AFF3: variants seen among roughly 807,000 people sequenced by gnomAD.
AFF3 encodes ALF transcription elongation factor 3, also known as AF4/FMR2 family member 3.
In AFF3, 32 loss-of-function variants were observed where a neutral mutation model predicts 129.7. The observed-to-expected ratio is 0.25, with a 90% confidence interval of 0.19 to 0.33. The LOEUF is 0.33. AFF3 is among the 10% of genes least tolerant of loss of function. The pLI, the probability that AFF3 is intolerant of heterozygous loss-of-function variation, is 1.00. For missense variants in AFF3, 1,373 were observed against 1,592.0 expected (o/e 0.86, Z 2.34); for synonymous variants, 644 against 635.4 (o/e 1.01, Z -0.20).
intron 4 of AFF3, among the ~76,000 whole-genome samples, chr2:100,037,036 G>T (rs1351451649): frequency 6.6e-6 from 1 of 151,968 alleles, no homozygotes; most frequent in Non-Finnish European, 1.5e-5. Flanking sequence ...TATCAAAAGC[G>T]TTCTGAAAGC....
chr2:99,805,067 C>T (rs1044273890), intron 8 of AFF3, among the ~76,000 whole-genome samples: 11 of 152,040 alleles, frequency 7.2e-5, no homozygotes, highest in African/African-American at 2.2e-4. Context: ...CCACTTGTAC[C>T]CTAAAAGCTA....
At chr2:99,634,735 G>GTT (rs879617006) in intron 13 of AFF3, among the ~76,000 whole-genome samples, 4 of 146,036 alleles carry the variant, frequency 2.7e-5, no homozygotes, top group Admixed American at 6.9e-5. Flanking sequence ...CACTTTTCAA[G>GTT]TTTTTTTTTT....
intron 7 of AFF3, among the ~76,000 whole-genome samples, chr2:99,903,683 ATATTTG>A (rs1281164975): frequency 6.6e-6 from 1 of 152,192 alleles, no homozygotes; most frequent in African/African-American, 2.4e-5. Context: ...AGTTTGAAAT[ATATTTG>A]TATTTGTCTC....
chr2:99,699,140 T>C (rs1371570005), intron 11 of AFF3, among the ~76,000 whole-genome samples: 2 of 152,218 alleles, frequency 1.3e-5, no homozygotes, highest in East Asian at 1.9e-4. Context: ...ATAACAGTTA[T>C]ATAATATAAA....
intron 7 of AFF3, among the ~76,000 whole-genome samples, chr2:99,945,492 T>A (rs1675470898): frequency 6.6e-6 from 1 of 152,160 alleles, no homozygotes; most frequent in South Asian, 2.1e-4. Flanking sequence ...CTGGGAGTCA[T>A]CAGGTTTGGC....
intron 4 of AFF3, among the ~76,000 whole-genome samples, chr2:100,071,380 T>A (rs1688169711): frequency 6.6e-6 from 1 of 152,224 alleles, no homozygotes; most frequent in Non-Finnish European, 1.5e-5. Context: ...CTGAGCTTTT[T>A]ATGTGAATAG....
At chr2:100,068,730 A>C (rs1045814281) in intron 4 of AFF3, among the ~76,000 whole-genome samples, 1 of 152,128 alleles carries the variant, frequency 6.6e-6, no homozygotes, top group Non-Finnish European at 1.5e-5. Context: ...GGGACTCCCG[A>C]CGCCCACCAT....
At chr2:99,993,422 T>C (rs1429121185) in intron 7 of AFF3, among the ~76,000 whole-genome samples, 1 of 152,144 alleles carries the variant, frequency 6.6e-6, no homozygotes, top group Non-Finnish European at 1.5e-5. Context: ...TAAAATCTTG[T>C]AAATTCTCAG....
At chr2:100,026,712 T>C (rs1200179570) in intron 4 of AFF3, among the ~76,000 whole-genome samples, 2 of 124,040 alleles carry the variant, frequency 1.6e-5, no homozygotes, top group Non-Finnish European at 3.4e-5. Context: ...TAAATATATA[T>C]ATAAATATAT....
chr2:99,667,890 C>T (rs932635449), intron 12 of AFF3, among the ~76,000 whole-genome samples: 4 of 151,840 alleles, frequency 2.6e-5, no homozygotes, highest in Non-Finnish European at 5.9e-5. Flanking sequence ...GGCGTGGTGG[C>T]TCACACCTGT....
At chr2:99,624,123 C>T (rs1261248588) in intron 13 of AFF3, among the ~76,000 whole-genome samples, 1 of 152,136 alleles carries the variant, frequency 6.6e-6, no homozygotes, top group African/African-American at 2.4e-5. Context: ...ATGCCCAAGC[C>T]ACAGCTACCT....
At chr2:99,829,967 A>G (rs1400128353) in intron 8 of AFF3, among the ~76,000 whole-genome samples, 2 of 152,236 alleles carry the variant, frequency 1.3e-5, no homozygotes, top group African/African-American at 4.8e-5. Flanking sequence ...GGATGAGTTC[A>G]TGTCCTTTGC....
At chr2:99,856,394 T>C (rs1272375334) in intron 7 of AFF3, among the ~76,000 whole-genome samples, 1 of 152,168 alleles carries the variant, frequency 6.6e-6, no homozygotes, top group East Asian at 1.9e-4. Context: ...AGACAACAGA[T>C]GCCAACAGTG....
chr2:100,040,859 C>T (rs1414238109), intron 4 of AFF3, among the ~76,000 whole-genome samples: 1 of 152,240 alleles, frequency 6.6e-6, no homozygotes, highest in Non-Finnish European at 1.5e-5. Context: ...CACCTGGCTG[C>T]ACCCTCCAAG....
chr2:100,025,208 C>T (rs1256151441), intron 4 of AFF3, among the ~76,000 whole-genome samples: 2 of 151,920 alleles, frequency 1.3e-5, no homozygotes, highest in Admixed American at 6.6e-5. Flanking sequence ...TCCTCACTCC[C>T]CAAAAATGAA....
In AFF3 at chr2:100,083,822, G is replaced by A. The variant is rs1331776343; in HGVS notation, c.53+20580C>T. ...AGGGAGGAAGAATGGAGGGGGTGGT[G>A]GAAGGAGAGGCAGAGAGGGAGAGAA... On this transcript the variant is annotated intron_variant, in intron 4 of 24. Transcript: ENST00000672756. 2.0e-5 allele frequency among the ~76,000 whole-genome samples: 3 copies of A among 152,056 alleles called. No individual in the cohort carries two copies. The East Asian group carries it at 5.8e-4, about 29-fold the overall frequency.
Position 100,052,368 on chromosome 2 carries a change from G to A in AFF3, c.54-43436C>T, listed in dbSNP as rs893861660. On this transcript the variant is annotated intron_variant, in intron 4 of 24. Transcript: ENST00000672756. ...GAAGTAGCTCTAGATCTTCTACCTC[G>A]TCCCCCATGCCATCCCTTCCACAAC... Among the ~76,000 whole-genome samples, 5 of 152,214 alleles carry A rather than the reference G, an allele frequency of 3.3e-5. No homozygotes were observed. The East Asian group carries it at 7.7e-4, about 24-fold the overall frequency.
intron 7 of AFF3, among the ~76,000 whole-genome samples, chr2:99,891,684 G>A (rs1437684840): frequency 1.3e-5 from 2 of 152,194 alleles, no homozygotes; most frequent in South Asian, 2.1e-4. Flanking sequence ...TGTGCGAGGC[G>A]ATACTGCCTC....
chr2:99,780,145 C>A (rs970910780), intron 8 of AFF3, among the ~76,000 whole-genome samples: 1 of 152,156 alleles, frequency 6.6e-6, no homozygotes, highest in Non-Finnish European at 1.5e-5. Flanking sequence ...GACCTCACAG[C>A]AGACTAGAGC....
Sources: gnomAD v4.1 joint callset for allele counts (sites outside exome capture counted in the v4.1 genomes callset) on GRCh38, gnomAD v4.1.1 for gene constraint, MANE v1.5 for transcripts, NCBI Gene and HGNC (gene_info 2026-07-23, HGNC 2026-07-21) for gene names.